Variants in AHNAK observed in about 807,000 individuals in gnomAD.
AHNAK encodes AHNAK nucleoprotein, also known as neuroblast differentiation-associated protein AHNAK.
A neutral mutation model predicts 37.8 loss-of-function variants in AHNAK; 23 were observed. The ratio of observed to expected loss-of-function variants is 0.61; its 90% confidence interval spans 0.44 to 0.86. The LOEUF (loss-of-function observed/expected upper bound fraction) is 0.86, where lower values mean the gene tolerates loss of function less well. AHNAK is among the 40% of genes least tolerant of loss of function. The pLI, the probability that AHNAK is intolerant of heterozygous loss-of-function variation, is 0.00. For synonymous variants in AHNAK, 2,481 were observed against 2,636.3 expected (o/e 0.94, Z 1.80); for missense variants, 7,411 against 7,319.4 (o/e 1.01, Z -0.46).
intron 4 of AHNAK, among the ~76,000 whole-genome samples, chr11:62,495,586 A>C (rs1190981864): frequency 6.6e-6 from 1 of 151,244 alleles, no homozygotes; most frequent in East Asian, 1.9e-4. Flanking sequence ...CAAAAAAAAA[A>C]ACATTAGCTG....
rs71056522 is a variant in AHNAK, at chr11:62,473,084, CAAAAAAAAAAAAAAAAA to C, written c.442+18631_442+18647del. 3.5e-4 allele frequency among the ~76,000 whole-genome samples: 6 copies of C among 17,276 alleles called. 1 individual carries two copies. Among genetic ancestry groups the C allele is most frequent in the African/African-American group, 1.1e-3 (4 of 3,658 alleles). 11.3% of individuals were successfully genotyped at this position (17,276 alleles called of 152,430 possible). Reference sequence around the variant, plus strand: ...TGGGCAACAGAGCAAGACTCCATCTCAAAAAAAAAAAAAAAAAAAAAAAAAAAAAAGGCCAGGTGCGG... The same window carrying C: ...TGGGCAACAGAGCAAGACTCCATCTCAAAAAAAAAAAAAGGCCAGGTGCGG... On this transcript the variant is annotated intron_variant, in intron 5 of 5. Coordinates refer to the AHNAK transcript ENST00000257247.
intron 4 of AHNAK, among the ~76,000 whole-genome samples, chr11:62,494,901 G>A (rs1467319500): frequency 6.6e-6 from 1 of 151,290 alleles, no homozygotes. Flanking sequence ...TCAGGAGGCT[G>A]AGGCACGAGA....
In AHNAK at chr11:62,521,347, G is replaced by A; in HGVS notation, c.13070C>T (p.Pro4357Leu). The A allele has an allele frequency of 6.2e-7, 1 of 1,613,718 alleles. No individual in the cohort carries two copies. The highest frequency in any genetic ancestry group is 8.5e-7 in the Non-Finnish European group (1 of 1,179,954). ...ATCTGGACCTTCGATACTGACATCA[G>A]GGGCATCAATGTCCACTTTGGGGCC... ...ISGPKVDIDAPDVSIEGPDAK... is the reference protein window; with the variant it reads ...ISGPKVDIDALDVSIEGPDAK... The change falls in exon 5 of 5, where the codon CCT (proline) becomes CTT (leucine). Residue 4357 changes from proline (P) to leucine (L), a missense_variant. Transcript: ENST00000378024.
downstream of AHNAK, among the ~76,000 whole-genome samples, chr11:62,513,023 C>G (rs1001244629): frequency 6.6e-6 from 1 of 152,166 alleles, no homozygotes; most frequent in Non-Finnish European, 1.5e-5. Flanking sequence ...TTCTGTTTTC[C>G]CAGATGCCCC....
chr11:62,494,161 AATCCC>A (rs1939565513), intron 4 of AHNAK, among the ~76,000 whole-genome samples: 1 of 152,098 alleles, frequency 6.6e-6, no homozygotes, highest in Non-Finnish European at 1.5e-5. Flanking sequence ...CACATAGATT[AATCCC>A]ATCTCACTGA....
At chr11:62,489,673 G>A (rs377554299) in intron 5 of AHNAK, among the ~76,000 whole-genome samples, 7 of 152,134 alleles carry the variant, frequency 4.6e-5, no homozygotes, top group Admixed American at 4.6e-4. Context: ...CAGGGAGAGG[G>A]GGAGTGGAGG....
chr11:62,491,856 A>G, intron 4 of AHNAK: 1 of 1,589,026 alleles, frequency 6.3e-7, no homozygotes, highest in African/African-American at 1.3e-5. Context: ...GATTATCACC[A>G]GGTCACTCAT....
chr11:62,520,262 G>A lies in AHNAK; in HGVS notation c.14155C>T (p.Pro4719Ser). 1 of 1,611,930 alleles carries A rather than the reference G, an allele frequency of 6.2e-7. No individual in the cohort carries two copies. Among genetic ancestry groups the A allele is most frequent in the Non-Finnish European group, 8.5e-7 (1 of 1,179,590 alleles). The change falls in exon 5 of 5, where the codon CCC becomes TCC. Residue 4719 changes from proline (P) to serine (S), a missense_variant. By Grantham distance (74) the Pro-to-Ser change is moderately conservative (BLOSUM62 -1). Coordinates refer to ENST00000378024, the MANE Select transcript of AHNAK (RefSeq NM_001620.3). ...TCAATATCAGGCATGGAGATCTTGG[G>A]GGCTTTGATGCTCATCTCAGGCATC... ...FKMPEMSIKA[P>S]KISMPDIDLN... is the part of the protein sequence containing the mutation.
Position 62,522,142 on chromosome 11 carries a change from G to A in AHNAK, c.12275C>T (p.Ser4092Leu). ...VNLPKADIDV[S>L]GPKVDIDTPD... ...AGTGTCAATGTCCACTTTGGGTCCT[G>A]AGACATCAATGTCAGCTTTGGGCAA... Residue 4092 changes from serine to leucine, a missense_variant, in exon 5 of 5, where the codon TCA becomes TTA. Coordinates refer to ENST00000378024, the MANE Select transcript of AHNAK (RefSeq NM_001620.3). 6.2e-7 allele frequency: 1 copy of A among 1,613,640 alleles called. No individual in the cohort carries two copies. Among genetic ancestry groups the A allele is most frequent in the South Asian group, 1.1e-5 (1 of 91,044 alleles).
chr11:62,484,899 C>T (rs1022953799), intron 5 of AHNAK, among the ~76,000 whole-genome samples: 2 of 152,216 alleles, frequency 1.3e-5, no homozygotes, highest in Admixed American at 6.5e-5. Flanking sequence ...AGGCGATTCT[C>T]TTGCCTCAGC....
chr11:62,531,793 A>C lies in AHNAK; in HGVS notation c.2624T>G (p.Leu875Arg), dbSNP rs79183101. ...GGGCATTTTCATCTTGGGCATCTTCAGGTGCCAGTCTGGGCCTTGAACCTC... is the reference window on the plus strand; with the variant it reads ...GGGCATTTTCATCTTGGGCATCTTCCGGTGCCAGTCTGGGCCTTGAACCTC... ...DVEVQGPDWH[L>R]KMPKMKMPKF... Residue 875 changes from leucine to arginine, a missense_variant, in exon 5 of 5, where the codon CTG becomes CGG. By Grantham distance (102) the Leu-to-Arg change is moderately radical. Coordinates refer to ENST00000378024, the MANE Select transcript of AHNAK (RefSeq NM_001620.3). 5.6e-6 allele frequency: 9 copies of C among 1,613,514 alleles called. No individual in the cohort carries two copies. The highest frequency in any genetic ancestry group is 5.1e-6 in the Non-Finnish European group (6 of 1,179,944).
At position 62,516,206 on chromosome 11, in the gene AHNAK, G is replaced by A; in HGVS notation, c.*538C>T. The A allele has an allele frequency of 7.8e-7, 1 of 1,289,106 alleles. No individual in the cohort carries two copies. Among genetic ancestry groups the A allele is most frequent in the Non-Finnish European group, 1.0e-6 (1 of 988,662 alleles). 79.9% of individuals were successfully genotyped at this position (1,289,106 alleles called of 1,614,324 possible). A position where few individuals can be genotyped will look rare whatever the true frequency, so the allele number is the denominator to read the frequency against. On this transcript the variant is annotated 3_prime_UTR_variant, in exon 5 of 5. Transcript: ENST00000378024. ...CCTGGGTGAAAGAAACAACACTAAA[G>A]AACCCTAAAAACACCCACACACCCT...
At chr11:62,433,999 A>G (rs2134764616) in intron 5 of AHNAK, 1 of 1,394,182 alleles carries the variant, frequency 7.2e-7, no homozygotes, top group Non-Finnish European at 9.9e-7. Flanking sequence ...AGGTCCCCCC[A>G]CTCCTTGCTA....
At chr11:62,491,798 C>G (rs368820172) in exon 5 of AHNAK, 1 of 1,612,900 alleles carries the variant, frequency 6.2e-7, no homozygotes, top group South Asian at 1.1e-5. Flanking sequence ...TTGTTCTGGT[C>G]TTTGCATTCC....
chr11:62,523,204 A>C lies in AHNAK; in HGVS notation c.11213T>G (p.Met3738Arg), dbSNP rs988287625. 21 of 1,613,644 alleles carry C rather than the reference A, an allele frequency of 1.3e-5. No homozygotes were observed. Among genetic ancestry groups the C allele is most frequent in the Non-Finnish European group, 1.4e-5 (17 of 1,179,976 alleles). ...FKGPKFKIPE[M>R]HLKAPKISMP... is the part of the protein sequence containing the mutation. Reference sequence around the variant, plus strand: ...CGATATTTTGGGAGCCTTCAGGTGCATCTCTGGTATCTTAAATTTGGGTCC... The same window carrying C: ...CGATATTTTGGGAGCCTTCAGGTGCCTCTCTGGTATCTTAAATTTGGGTCC... Residue 3738 changes from methionine (M) to arginine (R), a missense_variant, in exon 5 of 5, where the codon ATG (methionine) becomes AGG (arginine). By Grantham distance (91) the Met-to-Arg change is moderately conservative (BLOSUM62 -1). Transcript: ENST00000378024.
intron 4 of AHNAK, 27 bp from the exon 5 acceptor site, chr11:62,534,101 T>A: frequency 6.6e-7 from 1 of 1,517,776 alleles, no homozygotes; most frequent in Admixed American, 2.2e-5. Context: ...CGGGCAGAGG[T>A]TGCAGCAGAG....
intron 5 of AHNAK, among the ~76,000 whole-genome samples, chr11:62,439,339 G>A (rs7121433): frequency 0.013 from 1,912 of 151,682 alleles, 53 homozygotes; most frequent in African/African-American, 0.044. Flanking sequence ...CTTGTGATCC[G>A]CCCACCTCGG....
chr11:62,524,532 C>A lies in AHNAK; in HGVS notation c.9885G>T (p.Met3295Ile), dbSNP rs937898162. 2 of 1,614,162 alleles carry A rather than the reference C, an allele frequency of 1.2e-6. No individual in the cohort carries two copies. The highest frequency in any genetic ancestry group is 1.7e-6 in the Non-Finnish European group (2 of 1,180,038). Residue 3295 changes from methionine to isoleucine, a missense_variant, in exon 5 of 5, where the codon ATG (methionine) becomes ATT (isoleucine). Met to Ile is a conservative substitution (Grantham distance 10). Transcript: ENST00000378024. ...DMHVNMPKISMPEIDLNLKGS... is the reference protein window; with the variant it reads ...DMHVNMPKISIPEIDLNLKGS... ...CTTTCAAATTCAAGTCAATTTCTGG[C>A]ATGGAGATCTTGGGCATGTTTACAT...
rs550033238 is a variant in AHNAK at position 62,532,348 on chromosome 11, A to T, written c.2069T>A (p.Met690Lys). ...LKGPDVKLPD[M>K]SVKTPKISMP... Reference sequence around the variant, plus strand: ...GGAGATCTTTGGTGTCTTGACACTCATATCAGGCAGCTTAACATCGGGGCC... The same window carrying T: ...GGAGATCTTTGGTGTCTTGACACTCTTATCAGGCAGCTTAACATCGGGGCC... The change falls in exon 5 of 5, where the codon ATG (methionine) becomes AAG (lysine). Residue 690 changes from methionine to lysine, a missense_variant. Physicochemically the swap from Met to Lys is moderately conservative, Grantham distance 95. Coordinates refer to ENST00000378024, the MANE Select transcript of AHNAK (RefSeq NM_001620.3). The T allele has an allele frequency of 2.2e-5, 35 of 1,614,182 alleles. No homozygotes were observed. The South Asian group carries it at 3.4e-4, about 16-fold the overall frequency.
Sources: gnomAD v4.1 joint callset for allele counts (sites outside exome capture counted in the v4.1 genomes callset) on GRCh38, gnomAD v4.1.1 for gene constraint, MANE v1.5 for transcripts, NCBI Gene and HGNC (gene_info 2026-07-23, HGNC 2026-07-21) for gene names.